Variants in TSPAN14 observed in about 807,000 individuals in gnomAD.
The protein encoded by TSPAN14 is tetraspanin-14.
Under a neutral mutation model 36.6 loss-of-function variants are expected in TSPAN14, and 16 were observed. That is an observed-to-expected ratio of 0.44 (90% confidence interval 0.30 to 0.66). TSPAN14 has a LOEUF of 0.66. Among genes scored for constraint, TSPAN14 ranks in the 30% least tolerant of loss-of-function variants. The pLI, the probability that TSPAN14 is intolerant of heterozygous loss-of-function variation, is 0.12. For missense variants in TSPAN14, 231 were observed against 355.1 expected, an observed-to-expected ratio of 0.65 and a Z score of 2.81; for synonymous variants, 139 against 143.8, an observed-to-expected ratio of 0.97 and a Z score of 0.24.
chr10:80,477,128 G>A (rs561874621), intron 1 of TSPAN14, among the ~76,000 whole-genome samples: 2 of 152,350 alleles, frequency 1.3e-5, no homozygotes, highest in South Asian at 4.1e-4. Context: ...AAATCCTGCT[G>A]CTGCTTCTCT....
intron 2 of TSPAN14, among the ~76,000 whole-genome samples, chr10:80,493,949 A>G (rs1200527554): frequency 6.6e-6 from 1 of 152,184 alleles, no homozygotes; most frequent in Non-Finnish European, 1.5e-5. Flanking sequence ...TGATTCCGAT[A>G]ATGTCTGCAA....
At chr10:80,462,314 A>G (rs992388169) in intron 1 of TSPAN14, among the ~76,000 whole-genome samples, 1 of 92,508 alleles carries the variant, frequency 1.1e-5, no homozygotes, top group African/African-American at 4.6e-5. Context: ...GGAGGTGTTT[A>G]TTTCTGTCCG....
At chr10:80,480,239 A>T (rs1464527900) in intron 1 of TSPAN14, among the ~76,000 whole-genome samples, 3 of 151,084 alleles carry the variant, frequency 2.0e-5, no homozygotes, top group African/African-American at 4.9e-5. Context: ...TCATCTGCAA[A>T]CAGGGACAAT....
intron 1 of TSPAN14, among the ~76,000 whole-genome samples, chr10:80,478,436 G>A (rs371323986): frequency 6.6e-6 from 1 of 152,184 alleles, no homozygotes; most frequent in Non-Finnish European, 1.5e-5. Context: ...GAAGGCAAGT[G>A]TCAAAATCAT....
chr10:80,471,943 G>A (rs1158509623), intron 1 of TSPAN14, among the ~76,000 whole-genome samples: 2 of 152,178 alleles, frequency 1.3e-5, no homozygotes, highest in East Asian at 1.9e-4. Flanking sequence ...TTGGGAGCCC[G>A]AGGCAGTAGG....
chr10:80,512,001 T>TG (rs1375942615), intron 5 of TSPAN14, 143 bp from the exon 6 acceptor site: 88 of 1,301,182 alleles, frequency 6.8e-5, no homozygotes, highest in Non-Finnish European at 8.6e-5. Flanking sequence ...TCTCTGCACA[T>TG]GGGAGGTAGG....
Position 80,504,901 on chromosome 10 carries a change from A to G in TSPAN14, c.132+123A>G, listed in dbSNP as rs533086789. On this transcript the variant is annotated intron_variant, in intron 3 of 8. Transcript: ENST00000429989. Reference sequence around the variant, plus strand: ...CATTTCTTGTGCAGTGTCAAGGTGTATAATTGTCAATCTTTACAGACACAG... The same window carrying G: ...CATTTCTTGTGCAGTGTCAAGGTGTGTAATTGTCAATCTTTACAGACACAG... 3 of 1,039,088 alleles carry G rather than the reference A, an allele frequency of 2.9e-6. No homozygotes were observed. The Admixed American group carries it at 5.8e-5, about 20-fold the overall frequency. 64.4% of individuals were successfully genotyped at this position (1,039,088 alleles called of 1,614,324 possible). A position where few individuals can be genotyped will look rare whatever the true frequency, so the allele number is the denominator to read the frequency against.
intron 1 of TSPAN14, among the ~76,000 whole-genome samples, chr10:80,474,136 G>GCCTTCCTTGGGGGATGTGGCTGC (rs1413158392): frequency 5.6e-4 from 85 of 152,228 alleles, no homozygotes; most frequent in African/African-American, 2.0e-3. Context: ...CAGAAACTCC[G>GCCTTCCTTGGGGGATGTGGCTGC]CCTTCCTTGG....
intron 1 of TSPAN14, among the ~76,000 whole-genome samples, chr10:80,488,234 C>T (rs554190353): frequency 3.3e-5 from 5 of 152,304 alleles, no homozygotes; most frequent in South Asian, 2.1e-4. Flanking sequence ...CACTGTTCAG[C>T]CACTGCATTG....
intron 1 of TSPAN14, among the ~76,000 whole-genome samples, chr10:80,475,468 A>T (rs1846810487): frequency 6.6e-6 from 1 of 152,172 alleles, no homozygotes; most frequent in Non-Finnish European, 1.5e-5. Context: ...TGGGAGGCTG[A>T]GGTAGGAGGA....
chr10:80,482,660 TTAC>T (rs1435750404), intron 1 of TSPAN14, among the ~76,000 whole-genome samples: 2 of 151,256 alleles, frequency 1.3e-5, no homozygotes, highest in Non-Finnish European at 2.9e-5. Context: ...AATGTATTTC[TTAC>T]TATGGGTTGT....
intron 1 of TSPAN14, among the ~76,000 whole-genome samples, chr10:80,472,038 T>C (rs1846581737): frequency 6.6e-6 from 1 of 151,998 alleles, no homozygotes; most frequent in Non-Finnish European, 1.5e-5. Flanking sequence ...AGGTGTGCAC[T>C]GAGGTAGGAG....
chr10:80,473,482 G>C (rs918609689), intron 1 of TSPAN14, among the ~76,000 whole-genome samples: 1 of 152,098 alleles, frequency 6.6e-6, no homozygotes, highest in African/African-American at 2.4e-5. Context: ...GCATGTGGAG[G>C]CCATCCAGGG....
At chr10:80,460,841 C>T (rs7086627) in intron 1 of TSPAN14, among the ~76,000 whole-genome samples, 122,304 of 152,062 alleles carry the variant, frequency 0.8, 49,726 homozygotes, top group East Asian at 0.98. Flanking sequence ...AATTTGTGTT[C>T]CCTGCTCTCC....
chr10:80,461,879 A>T (rs1845986555), intron 1 of TSPAN14, among the ~76,000 whole-genome samples: 1 of 150,874 alleles, frequency 6.6e-6, no homozygotes, highest in Non-Finnish European at 1.5e-5. Flanking sequence ...TTCAGGTGCC[A>T]GTATGGTTCT....
chr10:80,482,037 G>A (rs1283308385), intron 1 of TSPAN14, among the ~76,000 whole-genome samples: 1 of 152,230 alleles, frequency 6.6e-6, no homozygotes, highest in Non-Finnish European at 1.5e-5. Context: ...ACAGGCGTGA[G>A]CCACTGCGCT....
At chr10:80,518,370 C>T (rs528012748) in exon 9 of TSPAN14, 1 of 232,836 alleles carries the variant, frequency 4.3e-6, no homozygotes, top group East Asian at 1.0e-4. Context: ...GGGTCATCCA[C>T]ATCTGTGGGT....
intron 2 of TSPAN14, among the ~76,000 whole-genome samples, chr10:80,494,856 G>T (rs1190635436): frequency 6.6e-6 from 1 of 152,120 alleles, no homozygotes; most frequent in South Asian, 2.1e-4. Context: ...ATCAACTTTT[G>T]TAATTTCGTG....
Position 80,517,907 on chromosome 10 carries a change from A to G in TSPAN14, c.744A>G (p.Ile248Met), listed in dbSNP as rs201077776. The G allele has an allele frequency of 3.6e-5, 57 of 1,563,558 alleles. 1 individual carries two copies. Among genetic ancestry groups the G allele is most frequent in the South Asian group, 3.4e-4 (29 of 84,936 alleles). Residue 248 changes from isoleucine (I) to methionine (M), a missense_variant and splice_region_variant, in exon 9 of 9, where the codon ATA becomes ATG. Coordinates refer to ENST00000429989, the Ensembl canonical transcript of TSPAN14. ...GACTCTGCTGGTGTTGGTTTCAGAT[A>G]TTTGGCATCTTCCTGGCAAGGACGC...
Sources: gnomAD v4.1 joint callset for allele counts (sites outside exome capture counted in the v4.1 genomes callset) on GRCh38, gnomAD v4.1.1 for gene constraint, MANE v1.5 for transcripts, NCBI Gene and HGNC (gene_info 2026-07-23, HGNC 2026-07-21) for gene names.